Variants in GRIP2 observed in about 807,000 individuals in gnomAD.
GRIP2 encodes the protein glutamate receptor-interacting protein 2.
GRIP2 carries 58 observed loss-of-function variants against 108.3 expected under a neutral mutation model. The observed-to-expected ratio is 0.54, with a 90% CI of 0.43 to 0.67. GRIP2 has a LOEUF of 0.67. GRIP2 is among the 30% of genes least tolerant of loss of function. GRIP2 has a pLI of 0.00. For missense variants in GRIP2, 1,278 were observed against 1,430.6 expected (o/e 0.89, Z 1.72); for synonymous variants, 586 against 598.2 (o/e 0.98, Z 0.30).
At chr3:14,525,823 A>G in intron 2 of GRIP2, 28 bp downstream of exon 2, 1 of 1,551,072 alleles carries the variant, frequency 6.4e-7, no homozygotes, top group Non-Finnish European at 8.7e-7. Flanking sequence ...CAGGGCAGAA[A>G]AAGAGGGAAT....
intron 1 of GRIP2, among the ~76,000 whole-genome samples, chr3:14,530,601 G>A (rs1207367107): frequency 6.6e-6 from 1 of 152,008 alleles, no homozygotes; most frequent in East Asian, 1.9e-4. Flanking sequence ...TGTATTCCTA[G>A]GCATTTAAAG....
chr3:14,505,807 G>C lies in GRIP2; in HGVS notation c.2399-18C>G, dbSNP rs1321247280. 1 of 1,501,396 alleles carries C rather than the reference G, an allele frequency of 6.7e-7. No individual in the cohort carries two copies. Among genetic ancestry groups the C allele is most frequent in the East Asian group, 2.4e-5 (1 of 41,496 alleles). 93.0% of individuals were successfully genotyped at this position (1,501,396 alleles called of 1,614,324 possible). ...ATAGGACCCTGGTGGTGGAGAGAGG[G>C]CCTCTGTGTTCCCTGCGGCCTCACC... On this transcript the variant is annotated intron_variant, in intron 19 of 23. Coordinates refer to ENST00000621039, the MANE Select transcript of GRIP2 (RefSeq NM_001080423.4). The surrounding 1 kb of genome is among the most constrained non-coding windows in gnomAD (Gnocchi z 4.2).
the GRIP2 span, among the ~76,000 whole-genome samples, chr3:14,596,841 A>C: frequency 1.3e-5 from 2 of 152,046 alleles, no homozygotes; most frequent in Non-Finnish European, 2.9e-5. Flanking sequence ...CCCAGGCCCA[A>C]GTAATCCTCT....
At chr3:14,591,952 C>CTGCT in the GRIP2 span, among the ~76,000 whole-genome samples, 1 of 152,242 alleles carries the variant, frequency 6.6e-6, no homozygotes, top group African/African-American at 2.4e-5. Context: ...CCACATCTGT[C>CTGCT]TGCTCTGTTC....
chr3:14,557,881 T>C (rs540927941), upstream of GRIP2, among the ~76,000 whole-genome samples: 107 of 152,344 alleles, frequency 7.0e-4, 1 homozygote, highest in African/African-American at 2.5e-3. Flanking sequence ...ATCTGACAGA[T>C]GGGGCTAACA....
At chr3:14,594,401 C>T in the GRIP2 span, among the ~76,000 whole-genome samples, 2 of 152,096 alleles carry the variant, frequency 1.3e-5, no homozygotes, top group South Asian at 4.1e-4. Flanking sequence ...CGGTGACGTG[C>T]TGCCACACCG....
intron 11 of GRIP2, among the ~76,000 whole-genome samples, chr3:14,516,196 T>C (rs868147800): frequency 1.3e-5 from 2 of 152,184 alleles, no homozygotes; most frequent in South Asian, 4.1e-4. Context: ...AGTAGAGATA[T>C]ATTTTCTCTC....
chr3:14,524,867 C>A (rs1360663284), intron 3 of GRIP2, among the ~76,000 whole-genome samples: 1 of 152,206 alleles, frequency 6.6e-6, no homozygotes, highest in Non-Finnish European at 1.5e-5. Context: ...TCACCACCAA[C>A]CTTCCTGCTG....
the GRIP2 span, among the ~76,000 whole-genome samples, chr3:14,590,189 G>A: frequency 1.0e-3 from 157 of 152,300 alleles, 2 homozygotes; most frequent in Middle Eastern, 6.8e-3. Context: ...CTGAGAAGGT[G>A]AGGCTGGCCT....
chr3:14,547,551 C>G (rs1695076391), intron 1 of GRIP2, among the ~76,000 whole-genome samples: 1 of 152,216 alleles, frequency 6.6e-6, no homozygotes, highest in Admixed American at 6.5e-5. Context: ...AGTTGGAACT[C>G]TCTCCTGAGG....
chr3:14,561,608 C>T, the GRIP2 span, among the ~76,000 whole-genome samples: 2 of 152,238 alleles, frequency 1.3e-5, no homozygotes, highest in African/African-American at 4.8e-5. Context: ...ACCAATGCTG[C>T]TTTTTCCATT....
intron 1 of GRIP2, among the ~76,000 whole-genome samples, chr3:14,534,487 C>A (rs764915876): frequency 2.6e-5 from 4 of 152,062 alleles, no homozygotes; most frequent in Non-Finnish European, 4.4e-5. Flanking sequence ...CAATTTTCAG[C>A]TGGAAACGTG....
chr3:14,524,091 C>A (rs1184908477), intron 4 of GRIP2: 10 of 517,870 alleles, frequency 1.9e-5, no homozygotes, highest in Non-Finnish European at 3.5e-5. Flanking sequence ...GGAGTGTGGG[C>A]GTGGTAGGTC....
Position 14,489,389 on chromosome 3 carries a change from A to G in GRIP2, c.*4276T>C, listed in dbSNP as rs901924606. The G allele has an allele frequency of 1.3e-5, 2 of 152,524 alleles. No individual in the cohort carries two copies. Among genetic ancestry groups the G allele is most frequent in the African/African-American group, 4.8e-5 (2 of 41,406 alleles). 9.4% of individuals were successfully genotyped at this position (152,524 alleles called of 1,614,324 possible). A position where few individuals can be genotyped will look rare whatever the true frequency, so the allele number is the denominator to read the frequency against. On this transcript the variant is annotated 3_prime_UTR_variant, in exon 24 of 24. Transcript: ENST00000621039. ...GTTCTGGTGAGGTATTTCCCCCTCA[A>G]CGTTTGCCAAACGCTTTACATTTTA...
chr3:14,555,454 C>G (rs9834229), intron 1 of GRIP2, among the ~76,000 whole-genome samples: 130,133 of 152,118 alleles, frequency 0.86, 55,925 homozygotes, highest in African/African-American at 0.93. Context: ...AGTGACAGTG[C>G]AAGAGGAACA....
chr3:14,528,281 T>C (rs1281704402), intron 1 of GRIP2, among the ~76,000 whole-genome samples: 1 of 152,252 alleles, frequency 6.6e-6, no homozygotes, highest in Non-Finnish European at 1.5e-5. Flanking sequence ...ATCCAATGGA[T>C]ATACCAGTTT....
At chr3:14,504,318 T>TG (rs888679961) in intron 20 of GRIP2, among the ~76,000 whole-genome samples, 17 of 149,960 alleles carry the variant, frequency 1.1e-4, no homozygotes, top group African/African-American at 4.2e-4. Flanking sequence ...TGTTTTTTTT[T>TG]TTTTTTTTTT....
intron 1 of GRIP2, among the ~76,000 whole-genome samples, chr3:14,528,222 T>G (rs1369442298): frequency 2.0e-5 from 3 of 152,244 alleles, no homozygotes; most frequent in African/African-American, 7.2e-5. Flanking sequence ...TCAGCCACAG[T>G]GTCGTGTGTA....
chr3:14,520,353 A>C, intron 8 of GRIP2, 37 bp downstream of exon 8: 1 of 1,610,872 alleles, frequency 6.2e-7, no homozygotes, highest in South Asian at 1.1e-5. Context: ...TCCCCTGCAC[A>C]CACCTCCATG....
Sources: allele counts gnomAD v4.1 joint callset (sites outside exome capture counted in the v4.1 genomes callset), GRCh38; gene constraint gnomAD v4.1.1; non-coding constraint Gnocchi (gnomAD v3.1); transcripts MANE v1.5; gene names NCBI Gene and HGNC (gene_info 2026-07-23, HGNC 2026-07-21).